The following CARD14 variants were observed in gnomAD, a reference collection of about 807,000 sequenced individuals.
CARD14 encodes the protein caspase recruitment domain-containing protein 14.
Under a neutral mutation model 111.5 loss-of-function variants are expected in CARD14, and 107 were observed. That is an observed-to-expected ratio of 0.96 (90% confidence interval 0.82 to 1.13). CARD14 has a LOEUF of 1.13. Ranked by LOEUF, CARD14 falls within the 50% of genes most tolerant of loss-of-function variation. CARD14 has a pLI of 0.00. For missense variants in CARD14, 1,322 were observed against 1,362.3 expected (o/e 0.97, Z 0.47); for synonymous variants, 617 against 579.6 (o/e 1.06, Z -0.93).
intron 1 of CARD14, among the ~76,000 whole-genome samples, chr17:80,172,225 G>A (rs2039918061): frequency 6.6e-6 from 1 of 152,236 alleles, no homozygotes; most frequent in African/African-American, 2.4e-5. Context: ...GGCCTTGTAG[G>A]CGACTGTTTA....
chr17:80,203,769 C>T lies in CARD14; in HGVS notation c.2220-53C>T. ...TCTCCCCTGCTCGGCTCTCCCCTGC[C>T]CTGCTCACCTGGCAGGAGGCAGCTG... On this transcript the variant is annotated intron_variant, in intron 18 of 23. Coordinates refer to ENST00000648509, the MANE Select transcript of CARD14 (RefSeq NM_001366385.1). This position sits in a 1 kb window ranked among gnomAD's most constrained non-coding sequence, Gnocchi z 4.6. 1 of 1,460,490 alleles carries T rather than the reference C, an allele frequency of 6.8e-7. No homozygotes were observed. The highest frequency in any genetic ancestry group is 9.4e-7 in the Non-Finnish European group (1 of 1,066,678). 90.5% of individuals were successfully genotyped at this position (1,460,490 alleles called of 1,614,324 possible).
rs2041001563 is a variant in CARD14, at chr17:80,201,976, C to T, written c.1978+106C>T. 4.2e-6 allele frequency: 6 copies of T among 1,427,308 alleles called. No individual in the cohort carries two copies. The highest frequency in any genetic ancestry group is 5.7e-6 in the Non-Finnish European group (6 of 1,055,894). 88.4% of individuals were successfully genotyped at this position (1,427,308 alleles called of 1,614,324 possible). ...GCCCAGCAGCCAGGGACCCCCAGAGCCAAGAGAGGATCAGCCAGGCTGTGC... is the reference window on the plus strand; with the variant it reads ...GCCCAGCAGCCAGGGACCCCCAGAGTCAAGAGAGGATCAGCCAGGCTGTGC... On this transcript the variant is annotated intron_variant, in intron 17 of 23. Coordinates refer to ENST00000648509, the MANE Select transcript of CARD14 (RefSeq NM_001366385.1). The surrounding 1 kb of genome is among the most constrained non-coding windows in gnomAD (Gnocchi z 5.0).
At chr17:80,196,349 C>G (rs1187439860) in intron 14 of CARD14, 1 of 152,236 alleles carries the variant, frequency 6.6e-6, no homozygotes, top group South Asian at 2.1e-4. Context: ...GGGACTCATA[C>G]ACGTTTTTAT....
In CARD14 at chr17:80,202,717, C is replaced by A; in HGVS notation, c.2219+297C>A. 3 of 806,480 alleles carry A rather than the reference C, an allele frequency of 3.7e-6. No homozygotes were observed. The South Asian group carries it at 6.1e-5, about 16-fold the overall frequency. 50.0% of individuals were successfully genotyped at this position (806,480 alleles called of 1,614,324 possible). A position where few individuals can be genotyped will look rare whatever the true frequency, so the allele number is the denominator to read the frequency against. ...GGCTGGATCCCCGTCTGTGGTGGGGCCGTCCTGGGCACTGCAGGATATAGA... is the reference window on the plus strand; with the variant it reads ...GGCTGGATCCCCGTCTGTGGTGGGGACGTCCTGGGCACTGCAGGATATAGA... On this transcript the variant is annotated intron_variant, in intron 18 of 23. Transcript: ENST00000648509.
intron 18 of CARD14, chr17:80,202,806 C>A: frequency 4.0e-6 from 1 of 250,134 alleles, no homozygotes; most frequent in Non-Finnish European, 7.7e-6. Flanking sequence ...CTGTGACAAC[C>A]AGAAATGTCT....
chr17:80,202,022 C>T, intron 17 of CARD14, 152 bp downstream of exon 17: 2 of 1,254,196 alleles, frequency 1.6e-6, no homozygotes, highest in Non-Finnish European at 2.2e-6. Context: ...CAGGAGGCCC[C>T]CAAGCCAGCT....
At chr17:80,206,374 G>C (rs2041308284) in intron 22 of CARD14, among the ~76,000 whole-genome samples, 1 of 152,258 alleles carries the variant, frequency 6.6e-6, no homozygotes, top group Non-Finnish European at 1.5e-5. Flanking sequence ...CACACTTTGG[G>C]AGGCCTAGGC....
chr17:80,191,514 G>C (rs765609276), intron 11 of CARD14, 42 bp downstream of exon 11: 8 of 1,597,022 alleles, frequency 5.0e-6, no homozygotes, highest in Non-Finnish European at 6.8e-6. Context: ...CCAGGCAGGG[G>C]CTGCGGTGAC....
At chr17:80,191,494 G>A (rs948663357) in intron 11 of CARD14, 22 bp downstream of exon 11, 6 of 1,602,234 alleles carry the variant, frequency 3.7e-6, no homozygotes, top group South Asian at 2.2e-5. Flanking sequence ...CGGCTGACCC[G>A]AGCTGGAGGC....
At chr17:80,192,317 G>T in intron 11 of CARD14, 186 bp from the exon 12 acceptor site, 1 of 568,702 alleles carries the variant, frequency 1.8e-6, no homozygotes, top group East Asian at 2.9e-5. Flanking sequence ...CAGTCTCTTT[G>T]ATTGGCAGCG....
chr17:80,179,907 G>C (rs2040114844), intron 4 of CARD14, among the ~76,000 whole-genome samples: 1 of 152,172 alleles, frequency 6.6e-6, no homozygotes, highest in Non-Finnish European at 1.5e-5. Context: ...AGAACAAAAA[G>C]GCGCCATCTG....
chr17:80,189,601 C>T lies in CARD14; in HGVS notation c.844-152C>T. The T allele has an allele frequency of 9.8e-7, 1 of 1,017,398 alleles. No homozygotes were observed. Among genetic ancestry groups the T allele is most frequent in the Non-Finnish European group, 1.3e-6 (1 of 744,718 alleles). The allele number at this position is 1,017,398 out of a possible 1,614,324, so 63.0% of individuals were successfully genotyped here. A position where few individuals can be genotyped will look rare whatever the true frequency, so the allele number is the denominator to read the frequency against. On this transcript the variant is annotated intron_variant, in intron 8 of 23. Coordinates refer to ENST00000648509, the MANE Select transcript of CARD14 (RefSeq NM_001366385.1). This position sits in a 1 kb window ranked among gnomAD's most constrained non-coding sequence, Gnocchi z 4.7. ...TTCCCAGGCATGATGGGTGGCTTTTCCGTGGCTTCTCTCCTGCCCGGTGTA... is the reference window on the plus strand; with the variant it reads ...TTCCCAGGCATGATGGGTGGCTTTTTCGTGGCTTCTCTCCTGCCCGGTGTA...
chr17:80,184,782 T>C (rs1388009373), intron 7 of CARD14, among the ~76,000 whole-genome samples: 1 of 33,800 alleles, frequency 3.0e-5, no homozygotes, highest in Non-Finnish European at 5.5e-5. Context: ...GCGGGATAGT[T>C]GGTCTCTGTC....
rs2039940752 is a variant in CARD14, at chr17:80,173,061, A to G, written c.-534A>G. 1 of 152,200 alleles carries G rather than the reference A, an allele frequency of 6.6e-6. No individual in the cohort carries two copies. Among genetic ancestry groups the G allele is most frequent in the African/African-American group, 2.4e-5 (1 of 41,158 alleles). The allele number at this position is 152,200 out of a possible 1,614,324, so 9.4% of individuals were successfully genotyped here. A position where few individuals can be genotyped will look rare whatever the true frequency, so the allele number is the denominator to read the frequency against. ...ACAGCCGGCTAATTTTTCTATTTCTAGTAGAAATGGGGTTTCACCATGTTG... is the reference window on the plus strand; with the variant it reads ...ACAGCCGGCTAATTTTTCTATTTCTGGTAGAAATGGGGTTTCACCATGTTG... On this transcript the variant is annotated 5_prime_UTR_variant, in exon 2 of 24. Coordinates refer to ENST00000648509, the MANE Select transcript of CARD14 (RefSeq NM_001366385.1).
In CARD14 at chr17:80,194,434, C is replaced by T. The variant is rs78105547; in HGVS notation, c.1357-757C>T. 3.8e-3 allele frequency among the ~76,000 whole-genome samples: 577 copies of T among 152,324 alleles called. 5 individuals are homozygous for T. The highest frequency in any genetic ancestry group is 0.013 in the African/African-American group (554 of 41,578). ...TACCCCACACATCTGGTGGCCTCAG[C>T]GCCTCGCACGTCACATTTGTCAGTG... On this transcript the variant is annotated intron_variant, in intron 12 of 23. Coordinates refer to ENST00000648509, the MANE Select transcript of CARD14 (RefSeq NM_001366385.1).
intron 5 of CARD14, 90 bp downstream of exon 5, chr17:80,181,739 T>TAAAAA (rs2144152751): frequency 8.5e-7 from 1 of 1,177,610 alleles, no homozygotes. Flanking sequence ...GGGTCTCTTC[T>TAAAAA]CGTCCTGTCT....
At chr17:80,202,046 CCACT>C (rs2041006070) in intron 17 of CARD14, 130 bp from the exon 18 acceptor site, 3 of 1,196,186 alleles carry the variant, frequency 2.5e-6, no homozygotes, top group African/African-American at 1.5e-5. Flanking sequence ...AACCTCCCAC[CCACT>C]GACTCCAGTG....
chr17:80,207,541 T>C (rs922403390), intron 23 of CARD14: 5 of 157,948 alleles, frequency 3.2e-5, no homozygotes, highest in Non-Finnish European at 7.0e-5. Context: ...AGAGCGAGAC[T>C]CTGTCTCAAC....
At position 80,182,680 on chromosome 17, in the gene CARD14, G is replaced by A. The variant is rs1598636867; in HGVS notation, c.239G>A (p.Arg80Gln). ...AGHLLDLLKT[R>Q]GKNGAIAFLE... ...CACTTGCTGGATTTGCTGAAGACTCGAGGGAAGAACGGGGCCATCGCCTTC... is the reference window on the plus strand; with the variant it reads ...CACTTGCTGGATTTGCTGAAGACTCAAGGGAAGAACGGGGCCATCGCCTTC... Residue 80 changes from arginine to glutamine, a missense_variant, in exon 6 of 24, where the codon CGA becomes CAA. Arg to Gln is a conservative substitution (Grantham distance 43, BLOSUM62 1). Coordinates refer to ENST00000648509, the MANE Select transcript of CARD14 (RefSeq NM_001366385.1). This position sits in a 1 kb window ranked among gnomAD's most constrained non-coding sequence, Gnocchi z 4.7. 19 of 1,614,022 alleles carry A rather than the reference G, an allele frequency of 1.2e-5. No individual in the cohort carries two copies. The highest frequency in any genetic ancestry group is 1.4e-5 in the Non-Finnish European group (17 of 1,180,018).
Sources: allele counts gnomAD v4.1 joint callset (sites outside exome capture counted in the v4.1 genomes callset), GRCh38; gene constraint gnomAD v4.1.1; non-coding constraint Gnocchi (gnomAD v3.1); transcripts MANE v1.5; gene names NCBI Gene and HGNC (gene_info 2026-07-23, HGNC 2026-07-21).